The following TBCK variants were observed in gnomAD, a reference collection of about 807,000 sequenced individuals.
The protein encoded by TBCK is TBC1 domain containing kinase, also known as TBC domain-containing protein kinase-like protein.
A neutral mutation model predicts 113.4 loss-of-function variants in TBCK; 99 were observed. The ratio of observed to expected loss-of-function variants is 0.87; its 90% CI spans 0.74 to 1.03. The LOEUF (loss-of-function observed/expected upper bound fraction) is 1.03. TBCK is among the 50% of genes least tolerant of loss of function. The pLI, the probability that TBCK is intolerant of heterozygous loss-of-function variation, is 0.00. For synonymous variants in TBCK, 369 were observed against 370.8 expected (o/e 1.00, Z 0.05); for missense variants, 1,045 against 1,061.3 (o/e 0.98, Z 0.21).
At chr4:106,308,301 A>C (rs552854722) in intron 2 of TBCK, among the ~76,000 whole-genome samples, 20 of 152,322 alleles carry the variant, frequency 1.3e-4, no homozygotes, top group Middle Eastern at 3.4e-3. Context: ...ATTAAATAGA[A>C]AATAATAAAA....
intron 1 of TBCK, among the ~76,000 whole-genome samples, chr4:106,312,331 C>A (rs1403032486): frequency 6.6e-6 from 1 of 152,038 alleles, no homozygotes; most frequent in Non-Finnish European, 1.5e-5. Flanking sequence ...TATTTTCACA[C>A]AAGGCATGAA....
rs149002761 is a variant in TBCK at position 106,116,246 on chromosome 4, T to C, written c.2368A>G (p.Ser790Gly). ...FKTPSKKTKS[S>G]KPKLLVVDIR... Reference sequence around the variant, plus strand: ...TCAACCACCAGGAGCTTTGGTTTACTGGACTTTGTTTTCTTGCTGGGTGTT... The same window carrying C: ...TCAACCACCAGGAGCTTTGGTTTACCGGACTTTGTTTTCTTGCTGGGTGTT... The change falls in exon 24 of 26, where the codon AGT becomes GGT. Residue 790 changes from serine (S) to glycine (G), a missense_variant. Transcript: ENST00000394708. 2.9e-5 allele frequency: 47 copies of C among 1,614,026 alleles called. 1 individual carries two copies. The highest frequency in any genetic ancestry group is 3.3e-4 in the Middle Eastern group (2 of 6,084).
At chr4:106,153,319 T>C (rs183387913) in intron 23 of TBCK, among the ~76,000 whole-genome samples, 2 of 152,258 alleles carry the variant, frequency 1.3e-5, no homozygotes, top group African/African-American at 2.4e-5. Flanking sequence ...ATTGACCTAC[T>C]AGTCATTGAA....
chr4:106,311,311 C>T (rs1210222896), intron 1 of TBCK, among the ~76,000 whole-genome samples: 1 of 151,070 alleles, frequency 6.6e-6, no homozygotes, highest in Non-Finnish European at 1.5e-5. Context: ...AAGCTGGAGA[C>T]AATTTAAATG....
chr4:106,312,603 A>G (rs1444760387), intron 1 of TBCK, among the ~76,000 whole-genome samples: 1 of 152,212 alleles, frequency 6.6e-6, no homozygotes, highest in African/African-American at 2.4e-5. Context: ...CTCTTTAACC[A>G]AGAAAAATGA....
At chr4:106,152,289 AT>A (rs1748589965) in intron 23 of TBCK, among the ~76,000 whole-genome samples, 1 of 151,978 alleles carries the variant, frequency 6.6e-6, no homozygotes, top group African/African-American at 2.4e-5. Context: ...TTTTTTAATC[AT>A]AAAAAGATGT....
intron 6 of TBCK, 145 bp downstream of exon 6, chr4:106,251,721 A>G (rs1761444620): frequency 1.2e-5 from 8 of 695,344 alleles, no homozygotes; most frequent in Non-Finnish European, 1.7e-5. Flanking sequence ...ATTATCAAAC[A>G]TGATTAAGTC....
intron 22 of TBCK, among the ~76,000 whole-genome samples, chr4:106,179,373 T>G (rs975920037): frequency 3.9e-5 from 6 of 152,060 alleles, no homozygotes; most frequent in Admixed American, 1.3e-4. Context: ...TGCAGGTGTT[T>G]ACTGCAATAA....
At chr4:106,225,157 GT>G (rs930066345) in intron 19 of TBCK, among the ~76,000 whole-genome samples, 1 of 151,570 alleles carries the variant, frequency 6.6e-6, no homozygotes. Context: ...AATTGAAACT[GT>G]TTTTTTTCTT....
At chr4:106,052,276 A>G (rs1734895646) in intron 25 of TBCK, among the ~76,000 whole-genome samples, 1 of 151,832 alleles carries the variant, frequency 6.6e-6, no homozygotes, top group African/African-American at 2.4e-5. Flanking sequence ...ATACCCTACC[A>G]TAGGCACTTG....
intron 25 of TBCK, among the ~76,000 whole-genome samples, chr4:106,082,811 T>A (rs1025760394): frequency 6.6e-6 from 1 of 152,078 alleles, no homozygotes. Flanking sequence ...CATGACTGAC[T>A]GAGAGAAGGA....
intron 20 of TBCK, among the ~76,000 whole-genome samples, chr4:106,198,988 C>A (rs1177994954): frequency 1.3e-5 from 2 of 152,050 alleles, no homozygotes; most frequent in Non-Finnish European, 2.9e-5. Flanking sequence ...CTCATTTATT[C>A]ATTAATTCAA....
At position 106,235,284 on chromosome 4, in the gene TBCK, A is replaced by G. The variant is rs775073036; in HGVS notation, c.1434T>C (p.Ala478=). 7.5e-6 allele frequency: 12 copies of G among 1,603,988 alleles called. No individual in the cohort carries two copies. Among genetic ancestry groups the G allele is most frequent in the African/African-American group, 2.7e-5 (2 of 74,322 alleles). ...TTTTCCTTACCTCAACTCCCAGAAG[A>G]GCAGCCCAGGTTAAACCTCTCATAA... is the stretch of plus-strand genomic sequence containing the variant. ...PPLMRGLTWA[A]LLGVEGAIHA... Residue 478 remains alanine, a synonymous_variant, in exon 15 of 26, where the codon GCT becomes GCC. Coordinates refer to ENST00000394708, the MANE Select transcript of TBCK (RefSeq NM_001163435.3).
chr4:106,246,076 A>G (rs1002833688), intron 10 of TBCK, among the ~76,000 whole-genome samples: 2 of 152,204 alleles, frequency 1.3e-5, no homozygotes, highest in Admixed American at 1.3e-4. Flanking sequence ...TCCTTCCCTC[A>G]TATCTCAAGG....
intron 1 of TBCK, among the ~76,000 whole-genome samples, chr4:106,312,031 A>G (rs3109958): frequency 0.4 from 61,064 of 151,922 alleles, 12,579 homozygotes; most frequent in African/African-American, 0.48. Flanking sequence ...TCTTAGACAC[A>G]ATAGAACAAA....
At chr4:106,314,306 G>A (rs1352327016) in intron 1 of TBCK, among the ~76,000 whole-genome samples, 3 of 152,188 alleles carry the variant, frequency 2.0e-5, no homozygotes, top group East Asian at 1.9e-4. Context: ...AGTAGTTTAC[G>A]TATATTATTT....
intron 25 of TBCK, among the ~76,000 whole-genome samples, chr4:106,088,394 T>G (rs1355510835): frequency 1.3e-5 from 2 of 152,204 alleles, no homozygotes; most frequent in East Asian, 3.9e-4. Flanking sequence ...AAAACCACAA[T>G]GAGATACTAT....
At chr4:106,246,803 CTA>C (rs149197067) in intron 10 of TBCK, among the ~76,000 whole-genome samples, 1 of 151,696 alleles carries the variant, frequency 6.6e-6, no homozygotes, top group Non-Finnish European at 1.5e-5. Context: ...CTCTGACTAA[CTA>C]TATATATATA....
chr4:106,054,386 A>G (rs1481069600), intron 25 of TBCK, among the ~76,000 whole-genome samples: 1 of 151,690 alleles, frequency 6.6e-6, no homozygotes, highest in African/African-American at 2.4e-5. Context: ...GAGTCGGATG[A>G]TATAACACCC....
Sources: gnomAD v4.1 joint callset for allele counts (sites outside exome capture counted in the v4.1 genomes callset) on GRCh38, gnomAD v4.1.1 for gene constraint, MANE v1.5 for transcripts, NCBI Gene and HGNC (gene_info 2026-07-23, HGNC 2026-07-21) for gene names.